PIP5K1C: variants seen among roughly 807,000 people sequenced by gnomAD.
PIP5K1C encodes the protein phosphatidylinositol 4-phosphate 5-kinase type-1 gamma.
A neutral mutation model predicts 80.1 loss-of-function variants in PIP5K1C; 45 were observed. The ratio of observed to expected loss-of-function variants is 0.56; its 90% CI spans 0.44 to 0.72. The LOEUF is 0.72. Ranked by LOEUF, PIP5K1C falls within the 30% of genes least tolerant of loss-of-function variation. The probability of loss-of-function intolerance (pLI) is 0.00; values close to 1 mark genes in which losing one functional copy is unlikely to be tolerated. For synonymous variants in PIP5K1C, 498 were observed against 420.1 expected (o/e 1.19, Z -2.27); for missense variants, 753 against 954.6 (o/e 0.79, Z 2.78).
chr19:3,691,994 C>T (rs1231103845), intron 1 of PIP5K1C, among the ~76,000 whole-genome samples: 3 of 152,192 alleles, frequency 2.0e-5, no homozygotes, highest in Non-Finnish European at 2.9e-5. Flanking sequence ...CCAGCAGCCC[C>T]GCCCATGTCA....
chr19:3,653,675 C>T (rs1205553674), intron 6 of PIP5K1C, 86 bp from the exon 7 acceptor site: 7 of 1,261,442 alleles, frequency 5.5e-6, no homozygotes, highest in African/African-American at 1.5e-5. Flanking sequence ...CCTCAGGGGG[C>T]TCATGGATGC....
intron 1 of PIP5K1C, among the ~76,000 whole-genome samples, chr19:3,695,546 A>G (rs1280046668): frequency 6.6e-6 from 1 of 152,182 alleles, no homozygotes; most frequent in African/African-American, 2.4e-5. Context: ...GTGTGAACCC[A>G]GGAGGGCCGG....
In PIP5K1C at chr19:3,696,785, G is replaced by A. The variant is rs9676512; in HGVS notation, c.94+3512C>T. 8.2e-4 allele frequency among the ~76,000 whole-genome samples: 125 copies of A among 152,168 alleles called. No individual in the cohort carries two copies. The highest frequency in any genetic ancestry group is 2.9e-3 in the African/African-American group (121 of 41,516). ...GCCCGGGGCAGGCTGTGCAGGGCCT[G>A]ATGGGCTTCAAAGAGGACTATGTCT... On this transcript the variant is annotated intron_variant, in intron 1 of 17. Transcript: ENST00000335312. The surrounding 1 kb of genome is among the most constrained non-coding windows in gnomAD (Gnocchi z 4.1).
intron 9 of PIP5K1C, among the ~76,000 whole-genome samples, chr19:3,647,760 A>C (rs567889218): frequency 6.6e-6 from 1 of 152,202 alleles, no homozygotes; most frequent in Non-Finnish European, 1.5e-5. Flanking sequence ...CAGCCTGGCC[A>C]ACATGGTGAA....
At chr19:3,684,297 G>A (rs181227791) in intron 1 of PIP5K1C, among the ~76,000 whole-genome samples, 1 of 152,304 alleles carries the variant, frequency 6.6e-6, no homozygotes, top group East Asian at 1.9e-4. Flanking sequence ...ACATCATCCA[G>A]CGCACAATCT....
chr19:3,671,364 T>TGACCTCACCAGG (rs1244016369), intron 1 of PIP5K1C, among the ~76,000 whole-genome samples: 1 of 152,254 alleles, frequency 6.6e-6, no homozygotes, highest in African/African-American at 2.4e-5. Flanking sequence ...CCAGCTCTGC[T>TGACCTCACCAGG]GACCTCACCA....
At position 3,640,530 on chromosome 19, in the gene PIP5K1C, T is replaced by C. The variant is rs190593813; in HGVS notation, c.1787+1175A>G. ...GATTCTGTCTCAAAGAAAATAATAATAACAGCAGCTGACACCATATCCCCA... is the reference window on the plus strand; with the variant it reads ...GATTCTGTCTCAAAGAAAATAATAACAACAGCAGCTGACACCATATCCCCA... On this transcript the variant is annotated intron_variant, in intron 15 of 17. Coordinates refer to ENST00000335312, the MANE Select transcript of PIP5K1C (RefSeq NM_012398.3). Among the ~76,000 whole-genome samples the C allele has an allele frequency of 2.0e-3, 305 of 152,062 alleles. 4 individuals carry two copies. Among genetic ancestry groups the C allele is most frequent in the East Asian group, 2.9e-3 (15 of 5,162 alleles).
At chr19:3,666,277 A>G (rs1355023466) in intron 2 of PIP5K1C, among the ~76,000 whole-genome samples, 1 of 151,992 alleles carries the variant, frequency 6.6e-6, no homozygotes, top group East Asian at 1.9e-4. Flanking sequence ...ATGCGGGAAG[A>G]CGGGAGATGC....
rs2033730202 is a variant in PIP5K1C, at chr19:3,637,330, C to G, written c.1920+1554G>C. The stretch of plus-strand genomic sequence containing the variant: ...ATGGAGCGCCCGGTTCGACGTGGGA[C>G]CGAATGACATTCCCAGTGACGCATG... On this transcript the variant is annotated intron_variant, in intron 16 of 17. Coordinates refer to ENST00000335312, the MANE Select transcript of PIP5K1C (RefSeq NM_012398.3). This position sits in a 1 kb window ranked among gnomAD's most constrained non-coding sequence, Gnocchi z 7.0. 3 of 1,532,162 alleles carry G rather than the reference C, an allele frequency of 2.0e-6. No individual in the cohort carries two copies. Among genetic ancestry groups the G allele is most frequent in the South Asian group, 1.2e-5 (1 of 83,658 alleles). The allele number at this position is 1,532,162 out of a possible 1,614,324, so 94.9% of individuals were successfully genotyped here. A position where few individuals can be genotyped will look rare whatever the true frequency, so the allele number is the denominator to read the frequency against.
chr19:3,640,869 A>G (rs746192159), intron 15 of PIP5K1C, among the ~76,000 whole-genome samples: 18 of 151,742 alleles, frequency 1.2e-4, no homozygotes, highest in Non-Finnish European at 2.5e-4. Flanking sequence ...GCTATTTTTT[A>G]GTAGAGATGG....
intron 5 of PIP5K1C, 146 bp from the exon 6 acceptor site, chr19:3,656,703 A>C: frequency 1.0e-6 from 1 of 960,770 alleles, no homozygotes; most frequent in East Asian, 2.6e-5. Flanking sequence ...AGAGGGCGAG[A>C]GACTTGCCTG....
At chr19:3,687,285 CT>C (rs2035788550) in intron 1 of PIP5K1C, among the ~76,000 whole-genome samples, 1 of 152,136 alleles carries the variant, frequency 6.6e-6, no homozygotes, top group Non-Finnish European at 1.5e-5. Context: ...TTGCTTGAAC[CT>C]GGGAGGCGGA....
chr19:3,679,784 G>C (rs1372645307), intron 1 of PIP5K1C, among the ~76,000 whole-genome samples: 1 of 152,248 alleles, frequency 6.6e-6, no homozygotes, highest in Non-Finnish European at 1.5e-5. Flanking sequence ...GACCTGCAGG[G>C]TTGGAGGGGC....
intron 16 of PIP5K1C, among the ~76,000 whole-genome samples, chr19:3,634,885 G>A (rs556450755): frequency 2.6e-5 from 4 of 152,374 alleles, no homozygotes; most frequent in South Asian, 2.1e-4. Context: ...GCCGCATCGC[G>A]GAGGACTGAC....
intron 8 of PIP5K1C, among the ~76,000 whole-genome samples, chr19:3,651,014 C>A (rs959863907): frequency 1.3e-5 from 2 of 150,202 alleles, no homozygotes; most frequent in African/African-American, 4.9e-5. Context: ...CCTCAGCCTC[C>A]CAAAGTGCTG....
chr19:3,692,394 G>A lies in PIP5K1C; in HGVS notation c.94+7903C>T, dbSNP rs571433895. Among the ~76,000 whole-genome samples the A allele has an allele frequency of 1.5e-4, 23 of 152,280 alleles. No individual in the cohort carries two copies. The South Asian group carries it at 3.5e-3, about 23-fold the overall frequency. On this transcript the variant is annotated intron_variant, in intron 1 of 17. Coordinates refer to ENST00000335312, the MANE Select transcript of PIP5K1C (RefSeq NM_012398.3). The surrounding 1 kb of genome is among the most constrained non-coding windows in gnomAD (Gnocchi z 5.2). The stretch of plus-strand genomic sequence containing the variant: ...TCGCAGCTCGGCCATGCTGGGCCCC[G>A]GCGGCCCCCATGCTGCCCTTCCTGC...
At chr19:3,638,542 T>C (rs1346604158) in intron 16 of PIP5K1C, among the ~76,000 whole-genome samples, 5 of 152,228 alleles carry the variant, frequency 3.3e-5, no homozygotes, top group African/African-American at 1.2e-4. Context: ...GTCTGAGGAC[T>C]CCGGACGACT....
chr19:3,686,468 T>C (rs1241172019), intron 1 of PIP5K1C, among the ~76,000 whole-genome samples: 2 of 150,580 alleles, frequency 1.3e-5, no homozygotes, highest in South Asian at 2.1e-4. Flanking sequence ...TGTGTAATCC[T>C]AGCACTCTGG....
chr19:3,671,010 C>T (rs560223868), intron 1 of PIP5K1C, among the ~76,000 whole-genome samples: 54 of 152,314 alleles, frequency 3.5e-4, no homozygotes, highest in African/African-American at 1.1e-3. Flanking sequence ...TTTGGGTTGG[C>T]GGCCCGGGAG....
Sources: gnomAD v4.1 joint callset for allele counts (sites outside exome capture counted in the v4.1 genomes callset) on GRCh38, gnomAD v4.1.1 for gene constraint, Gnocchi (gnomAD v3.1) non-coding constraint, MANE v1.5 for transcripts, NCBI Gene and HGNC (gene_info 2026-07-23, HGNC 2026-07-21) for gene names.